NR5A2: variants seen among roughly 807,000 people sequenced by gnomAD.
NR5A2 encodes CYP7A promoter-binding factor.
In NR5A2, 26 loss-of-function variants were observed where a neutral mutation model predicts 62.7. The ratio of observed to expected loss-of-function variants is 0.41; its 90% CI spans 0.30 to 0.58. The LOEUF is 0.58. Ranked by LOEUF, NR5A2 falls within the 20% of genes least tolerant of loss-of-function variation. The pLI is 0.22. For missense variants in NR5A2, 541 were observed against 669.1 expected (o/e 0.81, Z 2.11); for synonymous variants, 246 against 241.7 (o/e 1.02, Z -0.16).
chr1:200,091,251 T>G (rs530282860), intron 5 of NR5A2, among the ~76,000 whole-genome samples: 3 of 152,312 alleles, frequency 2.0e-5, no homozygotes, highest in African/African-American at 4.8e-5. Flanking sequence ...CAGTGACTAC[T>G]ATTTATTGAG....
intron 2 of NR5A2, among the ~76,000 whole-genome samples, chr1:200,041,052 A>G (rs1357477650): frequency 1.3e-5 from 2 of 150,722 alleles, no homozygotes; most frequent in Non-Finnish European, 3.0e-5. Context: ...CTGGAATTCC[A>G]GTTTAGTGTG....
chr1:200,161,445 C>T (rs1653637457), intron 7 of NR5A2, among the ~76,000 whole-genome samples: 1 of 152,112 alleles, frequency 6.6e-6, no homozygotes, highest in Non-Finnish European at 1.5e-5. Context: ...ATTTTTATCC[C>T]TAAGAATTCT....
intron 7 of NR5A2, among the ~76,000 whole-genome samples, chr1:200,165,629 T>G (rs1653866202): frequency 6.6e-6 from 1 of 152,222 alleles, no homozygotes; most frequent in South Asian, 2.1e-4. Flanking sequence ...GTGGCTTCTT[T>G]CATTTAATAA....
chr1:200,132,992 G>C (rs1330918389), intron 7 of NR5A2, among the ~76,000 whole-genome samples: 1 of 152,126 alleles, frequency 6.6e-6, no homozygotes, highest in Non-Finnish European at 1.5e-5. Flanking sequence ...GCTAATGGAG[G>C]TTAAGTGACT....
At chr1:200,099,917 T>A (rs1665288734) in intron 5 of NR5A2, among the ~76,000 whole-genome samples, 1 of 152,240 alleles carries the variant, frequency 6.6e-6, no homozygotes, top group Non-Finnish European at 1.5e-5. Context: ...TTTTGGCTGA[T>A]GGCATTGTTG....
Position 200,055,327 on chromosome 1 carries a change from C to T in NR5A2, c.1110+6509C>T, listed in dbSNP as rs115004535. On this transcript the variant is annotated intron_variant, in intron 5 of 7. Coordinates refer to ENST00000367362, the MANE Select transcript of NR5A2 (RefSeq NM_205860.3). ...TCTCCTGCCTCAGCCTCCCGAGTAG[C>T]TGGGATTATAGCGCCTGCCACCACG... 6.9e-3 allele frequency among the ~76,000 whole-genome samples: 1,044 copies of T among 152,180 alleles called. 16 individuals carry two copies. Among genetic ancestry groups the T allele is most frequent in the African/African-American group, 0.024 (994 of 41,506 alleles).
intron 5 of NR5A2, among the ~76,000 whole-genome samples, chr1:200,094,766 T>G (rs1240887444): frequency 6.6e-6 from 1 of 151,482 alleles, no homozygotes; most frequent in Non-Finnish European, 1.5e-5. Flanking sequence ...TCTCCTGACC[T>G]TGTGATCTGC....
intron 2 of NR5A2, chr1:200,042,956 C>T: frequency 1.0e-6 from 1 of 984,706 alleles, no homozygotes; most frequent in Non-Finnish European, 1.2e-6. Context: ...TTTAATAGGG[C>T]GATCTCGAGG....
rs1667784709 is a variant in NR5A2 at position 200,147,854 on chromosome 1, C to T, written c.1379-26109C>T. On this transcript the variant is annotated intron_variant, in intron 7 of 7. Coordinates refer to ENST00000367362, the MANE Select transcript of NR5A2 (RefSeq NM_205860.3). This position sits in a 1 kb window ranked among gnomAD's most constrained non-coding sequence, Gnocchi z 4.9. The stretch of plus-strand genomic sequence containing the variant: ...CAGCCATTGGTGAGCAGTATGGCCA[C>T]CTGCTTGTAGGCGCAGTCCCCGGAG... 1 of 448,700 alleles carries T rather than the reference C, an allele frequency of 2.2e-6. No individual in the cohort carries two copies. The highest frequency in any genetic ancestry group is 4.2e-6 in the Non-Finnish European group (1 of 240,544). The allele number at this position is 448,700 out of a possible 1,614,324, so 27.8% of individuals were successfully genotyped here.
At chr1:200,058,967 C>T (rs538877629) in intron 5 of NR5A2, among the ~76,000 whole-genome samples, 173 of 151,316 alleles carry the variant, frequency 1.1e-3, no homozygotes, top group Middle Eastern at 0.01. Flanking sequence ...AAAATTAGCC[C>T]GGCGTGGTGG....
intron 5 of NR5A2, among the ~76,000 whole-genome samples, chr1:200,059,907 C>T (rs763123602): frequency 2.4e-4 from 36 of 152,074 alleles, no homozygotes; most frequent in Admixed American, 1.2e-3. Context: ...AAGCTCTAAC[C>T]CAAGAAAACC....
intron 1 of NR5A2, among the ~76,000 whole-genome samples, chr1:200,032,151 G>A (rs1001077653): frequency 7.9e-5 from 12 of 152,190 alleles, no homozygotes; most frequent in African/African-American, 2.9e-4. Flanking sequence ...GATAGAACTA[G>A]TTCTTTGAGT....
intron 7 of NR5A2, among the ~76,000 whole-genome samples, chr1:200,125,835 CTTTAT>C (rs1213155798): frequency 6.6e-6 from 1 of 152,028 alleles, no homozygotes; most frequent in Admixed American, 6.6e-5. Flanking sequence ...CTTGAAAGAA[CTTTAT>C]TTTATTATTT....
chr1:200,052,460 A>G (rs535884749), intron 5 of NR5A2, among the ~76,000 whole-genome samples: 1 of 152,310 alleles, frequency 6.6e-6, no homozygotes, highest in African/African-American at 2.4e-5. Context: ...TGCTGGGATT[A>G]CAGACAGGAG....
rs146102451 is a variant in NR5A2 at position 200,068,330 on chromosome 1, A to G, written c.1110+19512A>G. 6.7e-3 allele frequency among the ~76,000 whole-genome samples: 1,015 copies of G among 152,294 alleles called. 10 individuals are homozygous for G. The highest frequency in any genetic ancestry group is 0.01 in the Non-Finnish European group (698 of 68,026). ...GCATAAATATGTCATACATATCAGA[A>G]TCAATAACCCTGCTAATAGCAATGA... On this transcript the variant is annotated intron_variant, in intron 5 of 7. Coordinates refer to ENST00000367362, the MANE Select transcript of NR5A2 (RefSeq NM_205860.3).
chr1:200,034,740 A>T (rs915041955), intron 1 of NR5A2, among the ~76,000 whole-genome samples: 1 of 130,158 alleles, frequency 7.7e-6, no homozygotes, highest in African/African-American at 2.9e-5. Flanking sequence ...CTAGGGGCTG[A>T]TGTTGATGTC....
At chr1:200,082,255 G>T (rs1407821967) in intron 5 of NR5A2, among the ~76,000 whole-genome samples, 1 of 152,170 alleles carries the variant, frequency 6.6e-6, no homozygotes, top group Non-Finnish European at 1.5e-5. Flanking sequence ...GCTTAAAACA[G>T]ACTTGGATAA....
chr1:200,116,395 C>T (rs1294899161), intron 6 of NR5A2, among the ~76,000 whole-genome samples: 1 of 152,134 alleles, frequency 6.6e-6, no homozygotes, highest in Non-Finnish European at 1.5e-5. Flanking sequence ...AGTGACTATC[C>T]AGGAAATTGC....
chr1:200,174,282 G>T lies in NR5A2; in HGVS notation c.*72G>T. ...GGAGTGGGGAGGGGGAAGAAGAACA[G>T]GAAGAAAAAAAGTACTCTGAACTGC... On this transcript the variant is annotated 3_prime_UTR_variant, in exon 8 of 8. Coordinates refer to ENST00000367362, the MANE Select transcript of NR5A2 (RefSeq NM_205860.3). 7.0e-7 allele frequency: 1 copy of T among 1,438,044 alleles called. No homozygotes were observed. Among genetic ancestry groups the T allele is most frequent in the African/African-American group, 1.4e-5 (1 of 69,740 alleles). 89.1% of individuals were successfully genotyped at this position (1,438,044 alleles called of 1,614,324 possible). A position where few individuals can be genotyped will look rare whatever the true frequency, so the allele number is the denominator to read the frequency against.
Sources: allele counts gnomAD v4.1 joint callset (sites outside exome capture counted in the v4.1 genomes callset), GRCh38; gene constraint gnomAD v4.1.1; non-coding constraint Gnocchi (gnomAD v3.1); transcripts MANE v1.5; gene names NCBI Gene and HGNC (gene_info 2026-07-23, HGNC 2026-07-21).